The following PPP3R1 variants were observed in gnomAD, a reference collection of about 807,000 sequenced individuals.
PPP3R1 encodes the protein protein phosphatase 3 regulatory subunit B, alpha.
A neutral mutation model predicts 22.6 loss-of-function variants in PPP3R1; 5 were observed. The ratio of observed to expected loss-of-function variants is 0.22; its 90% CI spans 0.12 to 0.46. The LOEUF is 0.46. Among genes scored for constraint, PPP3R1 ranks in the 20% least tolerant of loss-of-function variants. The probability of loss-of-function intolerance (pLI) is 0.99; values close to 1 mark genes in which losing one functional copy is unlikely to be tolerated. For missense variants in PPP3R1, 61 were observed against 203.2 expected (o/e 0.30, Z 4.25); for synonymous variants, 56 against 65.2 (o/e 0.86, Z 0.68).
chr2:68,191,652 G>A (rs893201816), intron 2 of PPP3R1, among the ~76,000 whole-genome samples: 7 of 152,012 alleles, frequency 4.6e-5, no homozygotes, highest in African/African-American at 1.2e-4. Flanking sequence ...ATAATCTTAC[G>A]GAACCACTGT....
intron 2 of PPP3R1, among the ~76,000 whole-genome samples, chr2:68,195,951 A>T (rs2103734195): frequency 6.6e-6 from 1 of 151,802 alleles, no homozygotes; most frequent in Non-Finnish European, 1.5e-5. Flanking sequence ...GCTTATCCCA[A>T]CTATACGTAC....
chr2:68,224,594 G>A (rs999627925), intron 1 of PPP3R1, among the ~76,000 whole-genome samples: 7 of 151,750 alleles, frequency 4.6e-5, no homozygotes, highest in Non-Finnish European at 7.4e-5. Context: ...AACCTGGGAA[G>A]CAGAGGTTGC....
At chr2:68,222,140 T>C (rs1425810354) in intron 1 of PPP3R1, among the ~76,000 whole-genome samples, 1 of 152,132 alleles carries the variant, frequency 6.6e-6, no homozygotes, top group Non-Finnish European at 1.5e-5. Flanking sequence ...AGATAACATG[T>C]TGTGGGGTAT....
At chr2:68,247,276 G>A (rs1363909626) in intron 1 of PPP3R1, among the ~76,000 whole-genome samples, 1 of 148,128 alleles carries the variant, frequency 6.8e-6, no homozygotes, top group South Asian at 2.2e-4. Flanking sequence ...TTTAAATTCA[G>A]CATGTGCAAA....
intron 5 of PPP3R1, among the ~76,000 whole-genome samples, chr2:68,182,064 T>C (rs1474894437): frequency 5.8e-3 from 503 of 87,122 alleles, no homozygotes; most frequent in Middle Eastern, 0.012. Context: ...ACATCTCCCC[T>C]CCTCCAACCC....
chr2:68,252,532 CGA>C (rs1670393501), upstream of PPP3R1: 1 of 892,138 alleles, frequency 1.1e-6, no homozygotes. Flanking sequence ...CCTCAAGGCA[CGA>C]AAAAAGGGGA....
rs1013067367 is a variant in PPP3R1, at chr2:68,197,118, G to A, written c.44-8428C>T. Among the ~76,000 whole-genome samples the A allele has an allele frequency of 2.6e-5, 4 of 152,238 alleles. No homozygotes were observed. The South Asian group carries it at 6.2e-4, about 24-fold the overall frequency. On this transcript the variant is annotated intron_variant, in intron 2 of 5. Coordinates refer to ENST00000234310, the MANE Select transcript of PPP3R1 (RefSeq NM_000945.4). ...TATGGTTATATAAGTTTTGACAAAT[G>A]CATATACCTATGGAAGCATCACTAC...
At chr2:68,198,012 G>T (rs1419751433) in intron 2 of PPP3R1, among the ~76,000 whole-genome samples, 3 of 96,410 alleles carry the variant, frequency 3.1e-5, no homozygotes, top group Admixed American at 1.5e-4. Context: ...ATTCCATACA[G>T]AAATACAGCT....
At chr2:68,206,485 T>C (rs1675127576) in intron 2 of PPP3R1, among the ~76,000 whole-genome samples, 1 of 152,194 alleles carries the variant, frequency 6.6e-6, no homozygotes, top group Non-Finnish European at 1.5e-5. Context: ...GCAAAATCAT[T>C]TATTAAAACC....
chr2:68,198,462 C>CATATATATGCGTAT (rs1674881448), intron 2 of PPP3R1, among the ~76,000 whole-genome samples: 2 of 148,344 alleles, frequency 1.3e-5, no homozygotes, highest in African/African-American at 4.9e-5. Context: ...TACATATATA[C>CATATATATGCGTAT]GTATATATGC....
intron 1 of PPP3R1, among the ~76,000 whole-genome samples, chr2:68,246,047 TACTG>T (rs1428553867): frequency 5.9e-5 from 9 of 151,328 alleles, no homozygotes; most frequent in African/African-American, 2.2e-4. Context: ...TTACCCTTTT[TACTG>T]ACTTTTTCTT....
At chr2:68,192,534 G>A (rs1395247495) in intron 2 of PPP3R1, among the ~76,000 whole-genome samples, 1 of 152,090 alleles carries the variant, frequency 6.6e-6, no homozygotes, top group Non-Finnish European at 1.5e-5. Flanking sequence ...TCAAGAAACT[G>A]AAATTTAGGC....
chr2:68,226,023 C>A (rs1023560111), intron 1 of PPP3R1, among the ~76,000 whole-genome samples: 14 of 152,186 alleles, frequency 9.2e-5, no homozygotes, highest in Non-Finnish European at 1.8e-4. Context: ...ACTACTAATA[C>A]ACCCAATAAC....
chr2:68,233,331 T>G (rs150472186), intron 1 of PPP3R1, among the ~76,000 whole-genome samples: 2 of 152,210 alleles, frequency 1.3e-5, no homozygotes. Context: ...TATGCTTTTA[T>G]AAGTAATTAT....
chr2:68,235,322 ATATT>A (rs1019465148), intron 1 of PPP3R1, among the ~76,000 whole-genome samples: 5 of 152,146 alleles, frequency 3.3e-5, no homozygotes, highest in Non-Finnish European at 7.4e-5. Context: ...AATTTAGAGC[ATATT>A]TATTACCCAC....
At chr2:68,229,973 TACACACACACACACACACAC>T (rs201152385) in intron 1 of PPP3R1, among the ~76,000 whole-genome samples, 29 of 143,142 alleles carry the variant, frequency 2.0e-4, no homozygotes, top group African/African-American at 3.2e-4. Flanking sequence ...TATACACACA[TACACACACACACACACACAC>T]ACACACACAC....
chr2:68,207,735 T>C (rs140246547), intron 2 of PPP3R1, among the ~76,000 whole-genome samples: 298 of 152,346 alleles, frequency 2.0e-3, no homozygotes, highest in Non-Finnish European at 2.8e-3. Context: ...TAAAGCCTAA[T>C]TACAGACCTC....
intron 5 of PPP3R1, among the ~76,000 whole-genome samples, chr2:68,181,868 G>C (rs944221975): frequency 4.6e-5 from 7 of 152,120 alleles, no homozygotes; most frequent in African/African-American, 7.2e-5. Flanking sequence ...AATACATGTA[G>C]TCATACACAT....
intron 1 of PPP3R1, among the ~76,000 whole-genome samples, chr2:68,248,081 A>C (rs1221562355): frequency 6.6e-6 from 1 of 152,148 alleles, no homozygotes; most frequent in Non-Finnish European, 1.5e-5. Flanking sequence ...TCAATCCACC[A>C]GACACTACCC....
Sources: allele counts gnomAD v4.1 joint callset (sites outside exome capture counted in the v4.1 genomes callset), GRCh38; gene constraint gnomAD v4.1.1; transcripts MANE v1.5; gene names NCBI Gene and HGNC (gene_info 2026-07-23, HGNC 2026-07-21).